The following ROCK2 variants were observed in gnomAD, a reference collection of about 807,000 sequenced individuals.
The protein encoded by ROCK2 is Rho associated coiled-coil containing protein kinase 2, also known as rho-associated protein kinase 2.
ROCK2 carries 61 observed loss-of-function variants against 195.1 expected under a neutral mutation model. That is an observed-to-expected ratio of 0.31 (90% CI 0.25 to 0.39). ROCK2 has a LOEUF of 0.39. Among genes scored for constraint, ROCK2 ranks in the 10% least tolerant of loss-of-function variants. The pLI, the probability that ROCK2 is intolerant of heterozygous loss-of-function variation, is 1.00. For synonymous variants in ROCK2, 504 were observed against 545.5 expected, an observed-to-expected ratio of 0.92 and a Z score of 1.06; for missense variants, 1,109 against 1,637.4, an observed-to-expected ratio of 0.68 and a Z score of 5.57.
chr2:11,329,707 A>C (rs1668660301), intron 1 of ROCK2, among the ~76,000 whole-genome samples: 1 of 151,280 alleles, frequency 6.6e-6, no homozygotes, highest in Admixed American at 6.6e-5. Flanking sequence ...TTACAAAAAA[A>C]AAAAATTGCT....
intron 3 of ROCK2, among the ~76,000 whole-genome samples, chr2:11,261,254 T>C (rs1666215900): frequency 6.6e-6 from 1 of 152,350 alleles, no homozygotes. Flanking sequence ...AGCTTATTTA[T>C]GCCAAATATC....
chr2:11,292,029 T>A (rs1667378976), intron 1 of ROCK2, among the ~76,000 whole-genome samples: 1 of 152,164 alleles, frequency 6.6e-6, no homozygotes, highest in African/African-American at 2.4e-5. Flanking sequence ...TCAACCTTAT[T>A]GAGGACTGTG....
intron 23 of ROCK2, among the ~76,000 whole-genome samples, chr2:11,199,891 A>C (rs1663790935): frequency 6.6e-6 from 1 of 152,190 alleles, no homozygotes; most frequent in African/African-American, 2.4e-5. Flanking sequence ...AATGCCTAAA[A>C]TTTACTGGAA....
intron 4 of ROCK2, among the ~76,000 whole-genome samples, chr2:11,238,209 A>T (rs867367759): frequency 0.011 from 1,536 of 135,376 alleles, 51 homozygotes; most frequent in African/African-American, 0.041. Context: ...ATTGAGAAAG[A>T]GTGTGTGTGT....
At chr2:11,195,575 C>T (rs1056344970) in intron 27 of ROCK2, among the ~76,000 whole-genome samples, 1 of 151,998 alleles carries the variant, frequency 6.6e-6, no homozygotes, top group Non-Finnish European at 1.5e-5. Context: ...AATGTAGTGG[C>T]GTAATCTTGG....
At chr2:11,249,358 A>C (rs1665746244) in intron 4 of ROCK2, among the ~76,000 whole-genome samples, 1 of 152,210 alleles carries the variant, frequency 6.6e-6, no homozygotes, top group Non-Finnish European at 1.5e-5. Flanking sequence ...TACTATGTAA[A>C]TCACAAGAAT....
Position 11,192,898 on chromosome 2 carries a change from TCAGA to T in ROCK2, c.3688-190_3688-187del, listed in dbSNP as rs1485867666. 1.3e-5 allele frequency among the ~76,000 whole-genome samples: 2 copies of T among 152,202 alleles called. No individual in the cohort carries two copies. Among genetic ancestry groups the T allele is most frequent in the East Asian group, 3.8e-4 (2 of 5,200 alleles). ...TCAAGAGCTTATATAAGAAAAGTCA[TCAGA>T]CAGTCACTTTGGTTTGCATTTCAAA... On this transcript the variant is annotated intron_variant, in intron 30 of 32. Coordinates refer to ENST00000315872, the MANE Select transcript of ROCK2 (RefSeq NM_004850.5). The surrounding 1 kb of genome is among the most constrained non-coding windows in gnomAD (Gnocchi z 5.0).
At chr2:11,318,715 T>C (rs563050152) in intron 1 of ROCK2, among the ~76,000 whole-genome samples, 1 of 152,348 alleles carries the variant, frequency 6.6e-6, no homozygotes, top group African/African-American at 2.4e-5. Flanking sequence ...GGTTTTCTTC[T>C]AGGGTTTTTA....
chr2:11,191,698 C>T (rs902624598), intron 32 of ROCK2, among the ~76,000 whole-genome samples: 18 of 152,136 alleles, frequency 1.2e-4, no homozygotes, highest in Middle Eastern at 3.4e-3. Context: ...CCTCACTGGA[C>T]ATCATCGACA....
At chr2:11,319,277 C>T (rs1346143261) in intron 1 of ROCK2, among the ~76,000 whole-genome samples, 1 of 152,142 alleles carries the variant, frequency 6.6e-6, no homozygotes, top group Non-Finnish European at 1.5e-5. Flanking sequence ...TCTTTTATTT[C>T]GTTGAGCAGT....
At chr2:11,246,706 T>A (rs1357461021) in intron 4 of ROCK2, among the ~76,000 whole-genome samples, 1 of 152,158 alleles carries the variant, frequency 6.6e-6, no homozygotes, top group Non-Finnish European at 1.5e-5. Context: ...AAGTGATATT[T>A]CTAACAAAAG....
At chr2:11,228,443 T>C (rs914566263) in intron 5 of ROCK2, among the ~76,000 whole-genome samples, 2 of 152,094 alleles carry the variant, frequency 1.3e-5, no homozygotes, top group Admixed American at 1.3e-4. Flanking sequence ...ATATAGCAAA[T>C]AGAGAATAAA....
intron 4 of ROCK2, among the ~76,000 whole-genome samples, chr2:11,237,048 A>G (rs557648180): frequency 6.6e-6 from 1 of 152,226 alleles, no homozygotes; most frequent in Non-Finnish European, 1.5e-5. Flanking sequence ...GCAACTTGGG[A>G]GGCTGAGGCA....
chr2:11,249,996 G>A (rs1279258876), intron 3 of ROCK2, among the ~76,000 whole-genome samples, 198 bp from the exon 4 acceptor site: 1 of 152,124 alleles, frequency 6.6e-6, no homozygotes, highest in Non-Finnish European at 1.5e-5. Flanking sequence ...CATGAAATAT[G>A]TAATACTTTT....
intron 1 of ROCK2, among the ~76,000 whole-genome samples, chr2:11,289,976 A>C (rs2148198450): frequency 6.6e-6 from 1 of 152,342 alleles, no homozygotes; most frequent in East Asian, 1.9e-4. Context: ...ACGTAGCATC[A>C]ATTTTTAATG....
chr2:11,188,103 A>ATTTTTTTTT (rs747304783), intron 32 of ROCK2, among the ~76,000 whole-genome samples: 9 of 112,634 alleles, frequency 8.0e-5, no homozygotes, highest in Non-Finnish European at 8.8e-5. Flanking sequence ...CTGGTATATA[A>ATTTTTTTTT]TTTTTTTTTT....
chr2:11,220,604 C>A (rs1664604272), intron 9 of ROCK2, among the ~76,000 whole-genome samples: 1 of 152,164 alleles, frequency 6.6e-6, no homozygotes, highest in South Asian at 2.1e-4. Context: ...CATAGTAGCA[C>A]CTGCTCTATG....
rs1664257147 is a variant in ROCK2, at chr2:11,211,805, T to C, written c.2079A>G (p.Gln693=). Residue 693 remains glutamine, a synonymous_variant, in exon 18 of 33, where the codon CAA becomes CAG. Transcript: ENST00000315872. ...CTAGGCTCTGCTGTATAACTTTTAGTTGGTATGTCATATCTATTTCCATGT... is the reference window on the plus strand; with the variant it reads ...CTAGGCTCTGCTGTATAACTTTTAGCTGGTATGTCATATCTATTTCCATGT... ...KSNMEIDMTY[Q]LKVIQQSLEQ... The C allele has an allele frequency of 6.2e-7, 1 of 1,611,220 alleles. No individual in the cohort carries two copies. Among genetic ancestry groups the C allele is most frequent in the Non-Finnish European group, 8.5e-7 (1 of 1,178,986 alleles).
chr2:11,194,878 T>G, intron 28 of ROCK2, 77 bp downstream of exon 28: 1 of 733,090 alleles, frequency 1.4e-6, no homozygotes, highest in Non-Finnish European at 2.2e-6. Flanking sequence ...ATGTATATCC[T>G]ACAACTACAA....
Sources: allele counts gnomAD v4.1 joint callset (sites outside exome capture counted in the v4.1 genomes callset), GRCh38; gene constraint gnomAD v4.1.1; non-coding constraint Gnocchi (gnomAD v3.1); transcripts MANE v1.5; gene names NCBI Gene and HGNC (gene_info 2026-07-23, HGNC 2026-07-21).